CDH18: variants seen among roughly 807,000 people sequenced by gnomAD.
CDH18 encodes the protein cadherin 18.
Under a neutral mutation model 67.9 loss-of-function variants are expected in CDH18, and 31 were observed. The observed-to-expected ratio is 0.46, with a 90% CI of 0.34 to 0.62. CDH18 has a LOEUF of 0.62. Among genes scored for constraint, CDH18 ranks in the 20% least tolerant of loss-of-function variants. CDH18 has a pLI of 0.01. For missense variants in CDH18, 890 were observed against 975.5 expected (o/e 0.91, Z 1.17); for synonymous variants, 362 against 347.2 (o/e 1.04, Z -0.48).
At chr5:19,934,033 G>A (rs888715716) in intron 2 of CDH18, among the ~76,000 whole-genome samples, 11 of 151,174 alleles carry the variant, frequency 7.3e-5, no homozygotes, top group African/African-American at 2.4e-4. Context: ...TTCCAGTTCC[G>A]GTAGTTCCAA....
intron 2 of CDH18, among the ~76,000 whole-genome samples, chr5:19,902,156 T>C (rs573311078): frequency 1.3e-5 from 2 of 152,264 alleles, no homozygotes; most frequent in African/African-American, 4.8e-5. Flanking sequence ...TGACAAAACA[T>C]ATAGGGAAGC....
At chr5:19,481,072 C>T (rs557268146) in intron 12 of CDH18, among the ~76,000 whole-genome samples, 1 of 152,270 alleles carries the variant, frequency 6.6e-6, no homozygotes, top group Admixed American at 6.5e-5. Flanking sequence ...CAGCATAATG[C>T]TCCTTGATAC....
intron 2 of CDH18, among the ~76,000 whole-genome samples, chr5:20,010,864 C>T (rs1737377891): frequency 2.0e-5 from 3 of 152,238 alleles, no homozygotes; most frequent in East Asian, 1.9e-4. Flanking sequence ...AAGACTCTCA[C>T]GTGTATACCT....
chr5:19,914,022 G>A (rs1791470240), intron 2 of CDH18, among the ~76,000 whole-genome samples: 1 of 152,084 alleles, frequency 6.6e-6, no homozygotes, highest in Admixed American at 6.6e-5. Flanking sequence ...TAGGATCATA[G>A]AGCAGATAGT....
At chr5:19,520,010 G>A (rs1019141408) in intron 10 of CDH18, among the ~76,000 whole-genome samples, 2 of 152,150 alleles carry the variant, frequency 1.3e-5, no homozygotes, top group Non-Finnish European at 2.9e-5. Flanking sequence ...GTTGTTTTAA[G>A]TTGCGGATTT....
At chr5:20,207,089 A>C (rs1418249916) in intron 2 of CDH18, among the ~76,000 whole-genome samples, 1 of 151,888 alleles carries the variant, frequency 6.6e-6, no homozygotes, top group Admixed American at 6.6e-5. Flanking sequence ...CTAATATAGA[A>C]AAAAAAACAC....
intron 1 of CDH18, among the ~76,000 whole-genome samples, chr5:20,415,126 C>CT (rs1432174445): frequency 2.6e-5 from 4 of 152,150 alleles, no homozygotes; most frequent in African/African-American, 4.8e-5. Flanking sequence ...TGGCTCACGC[C>CT]TGTAATCCTA....
intron 2 of CDH18, among the ~76,000 whole-genome samples, chr5:20,238,804 TAAAC>T (rs989731814): frequency 5.3e-5 from 8 of 152,220 alleles, no homozygotes; most frequent in Admixed American, 2.6e-4. Flanking sequence ...AGATGCATGC[TAAAC>T]AAACAAACAA....
Position 19,592,115 on chromosome 5 carries a change from G to C in CDH18, c.812-871C>G, listed in dbSNP as rs111458435. Among the ~76,000 whole-genome samples, 820 of 151,992 alleles carry C rather than the reference G, an allele frequency of 5.4e-3. 13 individuals carry two copies. Among genetic ancestry groups the C allele is most frequent in the African/African-American group, 0.019 (784 of 41,520 alleles). On this transcript the variant is annotated intron_variant, in intron 6 of 12. Transcript: ENST00000382275. ...AATCAATATACAATTGTAATTACTA[G>C]AAGAAGAATTAATGAGATTTCACAC...
chr5:20,295,872 C>CTTTTTTTTTTTT (rs35024141), intron 1 of CDH18, among the ~76,000 whole-genome samples: 7 of 109,976 alleles, frequency 6.4e-5, no homozygotes, highest in South Asian at 2.8e-4. Flanking sequence ...TCTTTTTTTT[C>CTTTTTTTTTTTT]TTTTTTTTTT....
intron 2 of CDH18, among the ~76,000 whole-genome samples, chr5:19,918,903 G>A (rs1792127569): frequency 6.6e-6 from 1 of 152,076 alleles, no homozygotes; most frequent in African/African-American, 2.4e-5. Flanking sequence ...ATGCTAATGA[G>A]ATGTCTGGTG....
At chr5:19,621,719 T>C (rs72739134) in intron 5 of CDH18, among the ~76,000 whole-genome samples, 8,775 of 152,226 alleles carry the variant, frequency 0.058, 287 homozygotes, top group Non-Finnish European at 0.074. Flanking sequence ...AAGATTTAGA[T>C]GTGCAAGATG....
At chr5:19,928,881 T>C (rs1793377008) in intron 2 of CDH18, among the ~76,000 whole-genome samples, 1 of 152,060 alleles carries the variant, frequency 6.6e-6, no homozygotes, top group Admixed American at 6.6e-5. Flanking sequence ...TGACTAGCAA[T>C]ATCCCATTTT....
chr5:20,191,176 A>C (rs1411317567), intron 2 of CDH18, among the ~76,000 whole-genome samples: 4 of 152,132 alleles, frequency 2.6e-5, no homozygotes, highest in African/African-American at 9.7e-5. Flanking sequence ...AAAATGAGAA[A>C]AAGTTTGATA....
intron 7 of CDH18, among the ~76,000 whole-genome samples, chr5:19,583,239 A>T (rs2149992792): frequency 6.6e-6 from 1 of 152,208 alleles, no homozygotes; most frequent in Non-Finnish European, 1.5e-5. Context: ...TTATCCTATC[A>T]GAAGCTACAA....
Position 19,994,855 on chromosome 5 carries a change from T to TATATATAG in CDH18, c.-517-2842_-517-2841insCTATATAT, listed in dbSNP as rs760777430. Among the ~76,000 whole-genome samples, 30 of 67,582 alleles carry TATATATAG rather than the reference T, an allele frequency of 4.4e-4. 2 individuals are homozygous for TATATATAG. The highest frequency in any genetic ancestry group is 6.8e-4 in the Non-Finnish European group (27 of 39,462). The allele number at this position is 67,582 out of a possible 152,430, so 44.3% of individuals were successfully genotyped here. A position where few individuals can be genotyped will look rare whatever the true frequency, so the allele number is the denominator to read the frequency against. On this transcript the variant is annotated intron_variant, in intron 2 of 14. Coordinates refer to the CDH18 transcript ENST00000507958. ...ATATATATATATATATATATATATA[T>TATATATAG]AGAGAGAGAGAGAGAGAGAGAGATG...
chr5:20,416,513 T>C (rs1747324026), intron 1 of CDH18, among the ~76,000 whole-genome samples: 1 of 152,094 alleles, frequency 6.6e-6, no homozygotes, highest in South Asian at 2.1e-4. Flanking sequence ...TTCAGAAAGG[T>C]GATACCACTT....
At chr5:19,891,304 G>A (rs1788760975) in intron 2 of CDH18, among the ~76,000 whole-genome samples, 1 of 151,988 alleles carries the variant, frequency 6.6e-6, no homozygotes, top group South Asian at 2.1e-4. Flanking sequence ...TTCTTGTCTG[G>A]ATGGCAGAGG....
intron 4 of CDH18, among the ~76,000 whole-genome samples, chr5:19,745,870 G>A (rs1309520361): frequency 1.3e-5 from 2 of 152,028 alleles, no homozygotes; most frequent in Admixed American, 1.3e-4. Context: ...GGAATCTGGA[G>A]TTGAGAGAAA....
Sources: allele counts gnomAD v4.1 joint callset (sites outside exome capture counted in the v4.1 genomes callset), GRCh38; gene constraint gnomAD v4.1.1; transcripts MANE v1.5; gene names NCBI Gene and HGNC (gene_info 2026-07-23, HGNC 2026-07-21).